The following ZNF185 variants were observed in gnomAD, a reference collection of about 807,000 sequenced individuals.
The protein encoded by ZNF185 is zinc finger protein 185.
A neutral mutation model predicts 58.6 loss-of-function variants in ZNF185; 56 were observed. The observed-to-expected ratio is 0.95, with a 90% confidence interval of 0.77 to 1.19. ZNF185 has a LOEUF of 1.19. ZNF185 is among the 50% of genes most tolerant of loss of function. The pLI is 0.00. For synonymous variants in ZNF185, 230 were observed against 215.9 expected (o/e 1.07, Z -0.57); for missense variants, 627 against 573.5 (o/e 1.09, Z -0.95).
Position 152,941,653 on chromosome X carries a change from A to G in ZNF185, c.1211+3490A>G, listed in dbSNP as rs1196326464. ...GCCTGCGTAGGCCGCCATTTCTTGA[A>G]GCCCCGAACTCGGTCGCAGTGCCCG... On this transcript the variant is annotated intron_variant, in intron 15 of 22. Transcript: ENST00000449285. 4 of 1,152,499 alleles carry G rather than the reference A, an allele frequency of 3.5e-6. No homozygotes were observed. The African/African-American group carries it at 7.2e-5, about 21-fold the overall frequency. The allele number at this position is 1,152,499 out of a possible 1,213,427, so 95.0% of individuals were successfully genotyped here.
At chrX:152,958,723 C>G (rs1342216505) in intron 16 of ZNF185, among the ~76,000 whole-genome samples, 4 of 106,353 alleles carry the variant, frequency 3.8e-5, no homozygotes, top group African/African-American at 1.1e-4. Context: ...CAGACCGAAA[C>G]TCCGTCTCAA....
chrX:152,898,135 CCCCGG>C, the ZNF185 span, among the ~76,000 whole-genome samples: 1 of 109,614 alleles, frequency 9.1e-6, no homozygotes, highest in Non-Finnish European at 1.9e-5. Flanking sequence ...GCGCCTGCCT[CCCCGG>C]CCCGGCCCGG....
chrX:152,939,973 G>A (rs1043235697), intron 15 of ZNF185, among the ~76,000 whole-genome samples: 1 of 110,016 alleles, frequency 9.1e-6, no homozygotes, highest in Non-Finnish European at 1.9e-5. Context: ...ACTAGGGATA[G>A]GGTTTCACTG....
intron 15 of ZNF185, among the ~76,000 whole-genome samples, chrX:152,940,843 T>C (rs1186584152): frequency 1.8e-5 from 2 of 112,377 alleles, no homozygotes; most frequent in African/African-American, 6.5e-5. Flanking sequence ...TAGAGTCAGG[T>C]TGGAATTTGG....
chrX:152,915,241 C>T (rs1164972623), intron 3 of ZNF185, 38 bp downstream of exon 4: 3 of 1,186,060 alleles, frequency 2.5e-6, no homozygotes, highest in Non-Finnish European at 3.4e-6. Context: ...GGGTCAGCCC[C>T]AGGGACTCTC....
exon 2 of ZNF185, chrX:152,914,747 C>A (rs781820138): frequency 8.3e-7 from 1 of 1,197,739 alleles, no homozygotes. Context: ...AGCGCAATAA[C>A]GTTCTCAAGC....
At chrX:152,944,300 C>T (rs189336017) in intron 15 of ZNF185, among the ~76,000 whole-genome samples, 87 of 112,122 alleles carry the variant, frequency 7.8e-4, no homozygotes, top group African/African-American at 2.7e-3. Flanking sequence ...ACAAAGAGTC[C>T]CAGGGTAGTT....
At chrX:152,920,393 C>A (rs35651423) in exon 8 of ZNF185, 1 of 1,209,403 alleles carries the variant, frequency 8.3e-7, no homozygotes, top group African/African-American at 1.7e-5. Context: ...GTCCTGTCAG[C>A]GGCCAAGAAG....
intron 16 of ZNF185, among the ~76,000 whole-genome samples, chrX:152,953,852 C>T (rs1316224048): frequency 2.7e-5 from 3 of 112,019 alleles, no homozygotes; most frequent in African/African-American, 9.7e-5. Flanking sequence ...GCAATTCTCC[C>T]GCCTCAGCCT....
chrX:152,925,610 C>T (rs1314043322), intron 11 of ZNF185, among the ~76,000 whole-genome samples: 2 of 111,550 alleles, frequency 1.8e-5, no homozygotes, highest in African/African-American at 6.5e-5. Context: ...AGGAAAGCTG[C>T]TGGCTGATCC....
In ZNF185 at chrX:152,914,536, C is replaced by A. The variant is rs782672998; in HGVS notation, c.34+13C>A. 5 of 1,171,659 alleles carry A rather than the reference C, an allele frequency of 4.3e-6. No homozygotes were observed. In the East Asian group the frequency reaches 1.2e-4, roughly 29 times the overall value. The stretch of plus-strand genomic sequence containing the variant: ...GGCCGCACCAAAGGTGAGGCCTGGG[C>A]TCCCTGGTTTCCCAGGCTCTGTTTG... On this transcript the variant is annotated intron_variant, in intron 1 of 22. Coordinates refer to ENST00000449285, the Ensembl canonical transcript of ZNF185.
At chrX:152,970,350 G>C in intron 21 of ZNF185, 93 bp from the exon 24 acceptor site, 1 of 795,033 alleles carries the variant, frequency 1.3e-6, no homozygotes, top group Non-Finnish European at 1.9e-6. Flanking sequence ...CACAGCATCT[G>C]CTCGCCCACC....
chrX:152,958,774 T>C (rs1556907024), intron 16 of ZNF185, among the ~76,000 whole-genome samples: 2 of 110,868 alleles, frequency 1.8e-5, no homozygotes, highest in African/African-American at 3.3e-5. Flanking sequence ...TGCTATTGCT[T>C]TCCAGGAATA....
At chrX:152,969,388 T>C (rs1172821584) in exon 21 of ZNF185, 1 of 1,202,831 alleles carries the variant, frequency 8.3e-7, no homozygotes, top group African/African-American at 1.8e-5. Flanking sequence ...ACAGGACAAC[T>C]GGAGGGATCT....
rs1556867251 is a variant in ZNF185, at chrX:152,918,110, CT to C, written c.388del (p.Ser130ProfsTer7). 3.3e-6 allele frequency: 4 copies of C among 1,195,439 alleles called. No homozygotes were observed. The Admixed American group carries it at 6.8e-5, about 20-fold the overall frequency. On this transcript the variant is annotated frameshift_variant, in exon 6 of 23. Coordinates refer to ENST00000449285, the Ensembl canonical transcript of ZNF185. LOFTEE classifies it high-confidence loss of function. ...CAGCTAACGCTGGTCCTCCCCGCCC[CT>C]CCTCCTCTGGCTACAAGATGACCAC...
chrX:152,962,911 G>T (rs781995147), intron 17 of ZNF185, among the ~76,000 whole-genome samples: 1 of 112,934 alleles, frequency 8.9e-6, no homozygotes, highest in Non-Finnish European at 1.9e-5. Flanking sequence ...GTAATCTTAG[G>T]CATTGGATTC....
rs1938048188 is a variant in ZNF185, at chrX:152,914,839, G to A, written c.158+6G>A. 8.5e-7 allele frequency: 1 copy of A among 1,180,407 alleles called. No individual in the cohort carries two copies. Among genetic ancestry groups the A allele is most frequent in the Non-Finnish European group, 1.1e-6 (1 of 880,019 alleles). Reference sequence around the variant, plus strand: ...GAATCGGAGGGTCGCACCATGTAAGGCAAGGAGGCGGGGAGGGACCGCAGC... The same window carrying A: ...GAATCGGAGGGTCGCACCATGTAAGACAAGGAGGCGGGGAGGGACCGCAGC... On this transcript the variant is annotated splice_donor_region_variant and intron_variant, in intron 2 of 22. Coordinates refer to ENST00000449285, the Ensembl canonical transcript of ZNF185.
In ZNF185 at chrX:152,945,484, G is replaced by A. The variant is rs1556894349; in HGVS notation, c.1409+20G>A. ...CAGCAGGTAAGGGCTGAGCTGCAGT[G>A]GGCTCTGCCTCTGGAGCCCATGTTT... is the stretch of plus-strand genomic sequence containing the variant. On this transcript the variant is annotated intron_variant, in intron 16 of 22. Coordinates refer to ENST00000449285, the Ensembl canonical transcript of ZNF185. 8.5e-7 allele frequency: 1 copy of A among 1,178,813 alleles called. No individual in the cohort carries two copies. Among genetic ancestry groups the A allele is most frequent in the Admixed American group, 2.4e-5 (1 of 41,561 alleles).
intron 11 of ZNF185, among the ~76,000 whole-genome samples, chrX:152,925,534 T>C (rs1940698573): frequency 8.9e-6 from 1 of 112,005 alleles, no homozygotes; most frequent in East Asian, 2.8e-4. Flanking sequence ...CTCAGCTTGA[T>C]GCTTCTGATA....
Sources: allele counts gnomAD v4.1 joint callset (sites outside exome capture counted in the v4.1 genomes callset), GRCh38; gene constraint gnomAD v4.1.1; transcripts MANE v1.5; gene names NCBI Gene and HGNC (gene_info 2026-07-23, HGNC 2026-07-21).